NCOR1: variants seen among roughly 807,000 people sequenced by gnomAD.
The protein encoded by NCOR1 is nuclear receptor corepressor 1.
In NCOR1, 63 loss-of-function variants were observed where a neutral mutation model predicts 288.1. The observed-to-expected ratio is 0.22, with a 90% CI of 0.18 to 0.27. NCOR1 has a LOEUF of 0.27. Among genes scored for constraint, NCOR1 ranks in the 10% least tolerant of loss-of-function variants. NCOR1 has a pLI of 1.00. For missense variants in NCOR1, 2,397 were observed against 3,019.2 expected (o/e 0.79, Z 4.83); for synonymous variants, 1,007 against 1,065.9 (o/e 0.94, Z 1.08).
At position 16,057,981 on chromosome 17, in the gene NCOR1, G is replaced by A; in HGVS notation, c.6094C>T (p.Pro2032Ser). 6.2e-7 allele frequency: 1 copy of A among 1,614,172 alleles called. No homozygotes were observed. Among genetic ancestry groups the A allele is most frequent in the Non-Finnish European group, 8.5e-7 (1 of 1,180,028 alleles). The change falls in exon 39 of 46, where the codon CCT becomes TCT. Residue 2032 changes from proline (P) to serine (S), a missense_variant. Pro to Ser is a moderately conservative substitution (Grantham distance 74). Coordinates refer to ENST00000268712, the MANE Select transcript of NCOR1 (RefSeq NM_006311.4). ...ESPSPQQQLP[P>S]SSQAEGMGQV... is the part of the protein sequence containing the mutation. ...CCCATTCCCTCTGCCTGTGAAGAAG[G>A]GGGCAGCTGTTGTTGGGGAGATGGT...
At chr17:16,164,598 T>C (rs2081617077) in intron 5 of NCOR1, among the ~76,000 whole-genome samples, 1 of 152,206 alleles carries the variant, frequency 6.6e-6, no homozygotes, top group Non-Finnish European at 1.5e-5. Context: ...AAAATGGTGT[T>C]ACTTCTTAGC....
chr17:16,046,214 C>T (rs879920508), intron 42 of NCOR1, among the ~76,000 whole-genome samples: 59 of 152,148 alleles, frequency 3.9e-4, no homozygotes, highest in Non-Finnish European at 7.2e-4. Flanking sequence ...CAAGCACAGA[C>T]GGACTTGGAC....
chr17:16,046,573 C>T (rs2058687345), intron 42 of NCOR1, among the ~76,000 whole-genome samples: 1 of 152,138 alleles, frequency 6.6e-6, no homozygotes, highest in South Asian at 2.1e-4. Flanking sequence ...GAGAGGACTC[C>T]TGAAAGACAC....
chr17:16,164,115 C>G (rs546533471), intron 5 of NCOR1, among the ~76,000 whole-genome samples: 1 of 152,074 alleles, frequency 6.6e-6, no homozygotes, highest in South Asian at 2.1e-4. Context: ...ACTTAAAGTG[C>G]CTATAGTCCC....
intron 1 of NCOR1, among the ~76,000 whole-genome samples, chr17:16,206,290 A>G (rs1245462702): frequency 6.6e-6 from 1 of 151,982 alleles, no homozygotes; most frequent in African/African-American, 2.4e-5. Flanking sequence ...ATGTGCATAA[A>G]TATTCACACA....
intron 16 of NCOR1, among the ~76,000 whole-genome samples, chr17:16,119,847 C>A (rs2072613391): frequency 6.6e-6 from 1 of 152,122 alleles, no homozygotes; most frequent in Admixed American, 6.5e-5. Flanking sequence ...CCTGTCCAAG[C>A]ACAATTCCCT....
chr17:16,133,807 G>A (rs2076005305), intron 14 of NCOR1, among the ~76,000 whole-genome samples: 1 of 152,056 alleles, frequency 6.6e-6, no homozygotes, highest in South Asian at 2.1e-4. Flanking sequence ...ACAGCAAATG[G>A]CAACTCCACA....
intron 2 of NCOR1, among the ~76,000 whole-genome samples, chr17:16,189,558 G>A (rs2087637240): frequency 7.0e-6 from 1 of 142,948 alleles, no homozygotes; most frequent in African/African-American, 3.0e-5. Context: ...GAAACCACAG[G>A]AAAAAAGTTA....
chr17:16,108,680 C>A (rs756683725), intron 19 of NCOR1, 106 bp downstream of exon 19: 2 of 904,444 alleles, frequency 2.2e-6, no homozygotes, highest in Non-Finnish European at 3.2e-6. Context: ...CATGAAAACA[C>A]TGGCACACTG....
chr17:16,104,197 G>A (rs2068149799), intron 19 of NCOR1, among the ~76,000 whole-genome samples: 1 of 152,080 alleles, frequency 6.6e-6, no homozygotes, highest in South Asian at 2.1e-4. Context: ...TTAAGTACTA[G>A]CCTGGTACAC....
At chr17:16,206,574 T>C (rs1034256182) in intron 1 of NCOR1, among the ~76,000 whole-genome samples, 7 of 152,024 alleles carry the variant, frequency 4.6e-5, no homozygotes, top group African/African-American at 1.2e-4. Context: ...TTAGTAGAGA[T>C]AGGGTTTCAC....
intron 1 of NCOR1, among the ~76,000 whole-genome samples, chr17:16,197,981 A>G (rs1028178327): frequency 6.6e-6 from 1 of 152,058 alleles, no homozygotes; most frequent in Non-Finnish European, 1.5e-5. Flanking sequence ...TATCCTACAC[A>G]TACATACACT....
intron 14 of NCOR1, among the ~76,000 whole-genome samples, chr17:16,133,229 A>C (rs1333100773): frequency 6.6e-6 from 1 of 152,180 alleles, no homozygotes; most frequent in African/African-American, 2.4e-5. Context: ...CTGGACTCCC[A>C]AAGTGTTGAG....
At chr17:16,080,801 C>T (rs372744491) in intron 23 of NCOR1, 74 bp from the exon 24 acceptor site, 2 of 1,374,978 alleles carry the variant, frequency 1.5e-6, no homozygotes, top group East Asian at 2.4e-5. Flanking sequence ...TTCACAAAGT[C>T]AGCATTCCCA....
intron 4 of NCOR1, among the ~76,000 whole-genome samples, chr17:16,168,997 C>T (rs1274176929): frequency 2.0e-5 from 3 of 151,728 alleles, no homozygotes; most frequent in Admixed American, 6.6e-5. Context: ...GTCACAACAC[C>T]GTACTTCTGA....
chr17:16,114,834 T>A (rs1358331979), intron 18 of NCOR1, among the ~76,000 whole-genome samples: 2 of 152,202 alleles, frequency 1.3e-5, no homozygotes, highest in Non-Finnish European at 2.9e-5. Flanking sequence ...TGTCTGCGGC[T>A]TTTCCAGGCA....
At chr17:16,130,214 T>C (rs2058132974) in intron 14 of NCOR1, among the ~76,000 whole-genome samples, 1 of 152,192 alleles carries the variant, frequency 6.6e-6, no homozygotes, top group Admixed American at 6.5e-5. Context: ...GCAATATGCA[T>C]AAAGACCTAT....
chr17:16,206,920 A>G (rs2091577786), intron 1 of NCOR1, among the ~76,000 whole-genome samples: 1 of 152,160 alleles, frequency 6.6e-6, no homozygotes, highest in Admixed American at 6.5e-5. Context: ...TATATATAAA[A>G]TAATGTATTA....
At chr17:16,209,073 T>A (rs1222101559) in intron 1 of NCOR1, among the ~76,000 whole-genome samples, 8 of 152,136 alleles carry the variant, frequency 5.3e-5, no homozygotes, top group Middle Eastern at 3.2e-3. Flanking sequence ...AAAAATTTTT[T>A]AAAAACTCAG....
Sources: allele counts gnomAD v4.1 joint callset (sites outside exome capture counted in the v4.1 genomes callset), GRCh38; gene constraint gnomAD v4.1.1; transcripts MANE v1.5; gene names NCBI Gene and HGNC (gene_info 2026-07-23, HGNC 2026-07-21).